Variants in RBFOX1 observed in about 807,000 individuals in gnomAD.
RBFOX1 encodes RNA binding fox-1 homolog 1.
In RBFOX1, 8 loss-of-function variants were observed where a neutral mutation model predicts 57.7. That is an observed-to-expected ratio of 0.14 (90% confidence interval 0.08 to 0.25). The LOEUF is 0.25. RBFOX1 is among the 10% of genes least tolerant of loss of function. The probability of loss-of-function intolerance (pLI) is 1.00; values close to 1 mark genes in which losing one functional copy is unlikely to be tolerated. For missense variants in RBFOX1, 611 were observed against 548.5 expected, an observed-to-expected ratio of 1.11 and a Z score of -1.14; for synonymous variants, 326 against 222.4, an observed-to-expected ratio of 1.47 and a Z score of -4.15.
intron 3 of RBFOX1, among the ~76,000 whole-genome samples, chr16:6,860,834 G>T (rs150462343): frequency 3.4e-4 from 52 of 152,160 alleles, no homozygotes; most frequent in African/African-American, 1.2e-3. Context: ...ACAGTTTTTG[G>T]ACACAGTAAA....
chr16:7,509,752 C>G (rs2074485675), intron 4 of RBFOX1, among the ~76,000 whole-genome samples: 3 of 152,064 alleles, frequency 2.0e-5, no homozygotes, highest in Admixed American at 6.6e-5. Flanking sequence ...TCTCTTTAAA[C>G]TTTTTTCATC....
intron 3 of RBFOX1, among the ~76,000 whole-genome samples, chr16:5,745,065 G>T (rs1474517947): frequency 2.0e-5 from 3 of 152,100 alleles, no homozygotes; most frequent in Non-Finnish European, 4.4e-5. Context: ...TTTACATTAG[G>T]TATATCTCCC....
chr16:7,120,836 C>CACAA (rs2066986659), intron 4 of RBFOX1, among the ~76,000 whole-genome samples: 5 of 140,788 alleles, frequency 3.6e-5, no homozygotes, highest in Admixed American at 3.5e-4. Flanking sequence ...TATATACACA[C>CACAA]ACACACACAC....
At chr16:7,395,965 G>C (rs561373131) in intron 4 of RBFOX1, among the ~76,000 whole-genome samples, 4 of 152,172 alleles carry the variant, frequency 2.6e-5, no homozygotes, top group Admixed American at 6.5e-5. Flanking sequence ...AGATAATTAT[G>C]TGTTGGGAGC....
At position 6,383,350 on chromosome 16, in the gene RBFOX1, G is replaced by A. The variant is rs568075854; in HGVS notation, c.-64+66293G>A. ...TATGCAGGATGCCATGTGATCTGGA[G>A]GACACAAAAGCATGATTGTGTCATT... On this transcript the variant is annotated intron_variant, in intron 2 of 15. Coordinates refer to ENST00000550418, the MANE Select transcript of RBFOX1 (RefSeq NM_018723.4). Among the ~76,000 whole-genome samples, 20 of 152,306 alleles carry A rather than the reference G, an allele frequency of 1.3e-4. No individual in the cohort carries two copies. The South Asian group carries it at 3.1e-3, about 24-fold the overall frequency.
chr16:5,792,962 A>G (rs2054751305), intron 3 of RBFOX1, among the ~76,000 whole-genome samples: 1 of 152,246 alleles, frequency 6.6e-6, no homozygotes, highest in South Asian at 2.1e-4. Flanking sequence ...GAGGAGGAAG[A>G]GAAAGGGTTT....
At chr16:7,077,140 T>C (rs2058434635) in intron 4 of RBFOX1, among the ~76,000 whole-genome samples, 1 of 152,188 alleles carries the variant, frequency 6.6e-6, no homozygotes, top group African/African-American at 2.4e-5. Context: ...CTGTGGAGTT[T>C]TAGCTCTGGG....
At chr16:6,989,095 C>A (rs1461630876) in intron 3 of RBFOX1, among the ~76,000 whole-genome samples, 1 of 152,064 alleles carries the variant, frequency 6.6e-6, no homozygotes, top group East Asian at 1.9e-4. Context: ...CGGGATTTCG[C>A]CATGTTGGGC....
At chr16:5,980,457 G>A (rs377295173) in intron 4 of RBFOX1, among the ~76,000 whole-genome samples, 2 of 152,156 alleles carry the variant, frequency 1.3e-5, no homozygotes, top group African/African-American at 2.4e-5. Flanking sequence ...CCGAATTCTC[G>A]CTCTGGCCCT....
At chr16:6,484,601 T>G (rs812981) in intron 2 of RBFOX1, among the ~76,000 whole-genome samples, 110,836 of 151,984 alleles carry the variant, frequency 0.73, 40,808 homozygotes, top group African/African-American at 0.82. Context: ...CAGTCTACAA[T>G]GATCACCTAG....
chr16:6,070,582 C>A (rs968556057), intron 1 of RBFOX1, among the ~76,000 whole-genome samples: 2 of 151,992 alleles, frequency 1.3e-5, no homozygotes, highest in Admixed American at 6.6e-5. Context: ...CAAAACAGCC[C>A]GAAGAAGCAG....
chr16:7,478,238 T>C (rs2063145068), intron 4 of RBFOX1, among the ~76,000 whole-genome samples: 1 of 152,190 alleles, frequency 6.6e-6, no homozygotes, highest in African/African-American at 2.4e-5. Context: ...TAGTCTTCCA[T>C]ATTCTGACAG....
chr16:5,702,488 G>C (rs990559059), intron 3 of RBFOX1, among the ~76,000 whole-genome samples: 2 of 152,186 alleles, frequency 1.3e-5, no homozygotes, highest in African/African-American at 4.8e-5. Flanking sequence ...AATTAGCTAG[G>C]CCAGCGAGGA....
At chr16:7,293,759 G>C (rs1024859293) in intron 4 of RBFOX1, among the ~76,000 whole-genome samples, 1 of 152,102 alleles carries the variant, frequency 6.6e-6, no homozygotes, top group Non-Finnish European at 1.5e-5. Flanking sequence ...TGTAAGTTTT[G>C]CAGATAAACC....
At chr16:5,381,947 T>C (rs1355936467) in intron 1 of RBFOX1, among the ~76,000 whole-genome samples, 1 of 152,234 alleles carries the variant, frequency 6.6e-6, no homozygotes, top group Non-Finnish European at 1.5e-5. Context: ...GTCATGTGCT[T>C]GTGGGAGCTT....
intron 12 of RBFOX1, among the ~76,000 whole-genome samples, chr16:7,663,044 G>A (rs1056350858): frequency 1.3e-5 from 2 of 152,184 alleles, no homozygotes; most frequent in African/African-American, 2.4e-5. Flanking sequence ...CACGTGCAAG[G>A]GCATGGCAGC....
intron 3 of RBFOX1, among the ~76,000 whole-genome samples, chr16:6,748,403 A>G (rs757726938): frequency 2.0e-5 from 3 of 152,172 alleles, no homozygotes; most frequent in South Asian, 2.1e-4. Context: ...GCTCACACCT[A>G]TAATCCCAAC....
At chr16:6,832,351 A>G (rs1567461256) in intron 3 of RBFOX1, among the ~76,000 whole-genome samples, 1 of 152,194 alleles carries the variant, frequency 6.6e-6, no homozygotes, top group Non-Finnish European at 1.5e-5. Flanking sequence ...AGTGTTCTAA[A>G]TTAGAGAAAT....
At chr16:5,841,728 AGTG>A (rs1463216642) in intron 3 of RBFOX1, among the ~76,000 whole-genome samples, 1 of 152,216 alleles carries the variant, frequency 6.6e-6, no homozygotes, top group African/African-American at 2.4e-5. Flanking sequence ...GTAGAGGCCC[AGTG>A]CTCTGTCTGA....
Sources: gnomAD v4.1 joint callset for allele counts (sites outside exome capture counted in the v4.1 genomes callset) on GRCh38, gnomAD v4.1.1 for gene constraint, MANE v1.5 for transcripts, NCBI Gene and HGNC (gene_info 2026-07-23, HGNC 2026-07-21) for gene names.